Variants in NTNG1 observed in about 807,000 individuals in gnomAD.
The protein encoded by NTNG1 is netrin G1.
NTNG1 carries 16 observed loss-of-function variants against 54.0 expected under a neutral mutation model. That is an observed-to-expected ratio of 0.30 (90% CI 0.20 to 0.45). The LOEUF is 0.45. NTNG1 is among the 20% of genes least tolerant of loss of function. The pLI, the probability that NTNG1 is intolerant of heterozygous loss-of-function variation, is 1.00. For missense variants in NTNG1, 530 were observed against 678.7 expected, an observed-to-expected ratio of 0.78 and a Z score of 2.43; for synonymous variants, 255 against 263.1, an observed-to-expected ratio of 0.97 and a Z score of 0.30.
At chr1:107,407,574 T>A in intron 4 of NTNG1, 108 bp from the exon 5 acceptor site, 1 of 840,098 alleles carries the variant, frequency 1.2e-6, no homozygotes, top group Non-Finnish European at 1.9e-6. Context: ...TTCTTAATAG[T>A]CTGAATATTA....
intron 2 of NTNG1, among the ~76,000 whole-genome samples, chr1:107,212,035 GT>G (rs1271644456): frequency 6.6e-6 from 1 of 152,026 alleles, no homozygotes; most frequent in African/African-American, 2.4e-5. Flanking sequence ...CTTTATAGAT[GT>G]ATTAAAACAT....
rs959034996 is a variant in NTNG1 at position 107,297,342 on chromosome 1, TAAAG to T, written c.247-26936_247-26933del. ...TCTAGCAACAAATAAATTGAAAAGATAAAGAAAAAACAGAGGCAGTGGTGATAGA... is the reference window on the plus strand; with the variant it reads ...TCTAGCAACAAATAAATTGAAAAGATAAAAAACAGAGGCAGTGGTGATAGA... On this transcript the variant is annotated intron_variant, in intron 2 of 7. Coordinates refer to ENST00000370068, the MANE Select transcript of NTNG1 (RefSeq NM_001113226.3). Among the ~76,000 whole-genome samples the T allele has an allele frequency of 2.7e-5, 4 of 150,442 alleles. No homozygotes were observed. In the Admixed American group the frequency reaches 2.7e-4, roughly 10 times the overall value.
At chr1:107,357,889 T>G (rs1670031314) in intron 3 of NTNG1, among the ~76,000 whole-genome samples, 2 of 152,174 alleles carry the variant, frequency 1.3e-5, no homozygotes, top group Non-Finnish European at 2.9e-5. Context: ...GTTAGAATAT[T>G]AAAGTTGCAC....
chr1:107,348,409 A>G (rs1307968727), intron 3 of NTNG1, among the ~76,000 whole-genome samples: 1 of 152,162 alleles, frequency 6.6e-6, no homozygotes, highest in South Asian at 2.1e-4. Context: ...TACAGGCTTG[A>G]GCCACTGTGC....
At chr1:107,226,801 G>T (rs1660720385) in intron 2 of NTNG1, among the ~76,000 whole-genome samples, 2 of 152,096 alleles carry the variant, frequency 1.3e-5, no homozygotes, top group South Asian at 2.1e-4. Flanking sequence ...TTCCTCGCAT[G>T]TTCTGACTTC....
chr1:107,201,808 C>A (rs1658778811), intron 2 of NTNG1, among the ~76,000 whole-genome samples: 1 of 151,894 alleles, frequency 6.6e-6, no homozygotes, highest in African/African-American at 2.4e-5. Flanking sequence ...TAAATAATGC[C>A]TGTTCCCATT....
rs1171897310 is a variant in NTNG1, at chr1:107,287,566, A to T, written c.247-36716A>T. ...AGTTTGAGGCCAGCCTGGGCAATGT[A>T]GTGAGACCTTGGTCTCTATAAAACA... is the stretch of plus-strand genomic sequence containing the variant. On this transcript the variant is annotated intron_variant, in intron 2 of 7. Transcript: ENST00000370068. 7.9e-5 allele frequency among the ~76,000 whole-genome samples: 12 copies of T among 152,322 alleles called. No individual in the cohort carries two copies. In the East Asian group the frequency reaches 1.9e-3, roughly 24 times the overall value.
At chr1:107,165,000 A>C (rs1655673421) in intron 2 of NTNG1, among the ~76,000 whole-genome samples, 2 of 152,124 alleles carry the variant, frequency 1.3e-5, no homozygotes, top group African/African-American at 4.8e-5. Context: ...TAAAGAGAGC[A>C]GGGATACGAG....
intron 7 of NTNG1, among the ~76,000 whole-genome samples, chr1:107,472,069 C>T (rs911905616): frequency 2.6e-5 from 4 of 152,082 alleles, no homozygotes; most frequent in Non-Finnish European, 5.9e-5. Flanking sequence ...AGTGATTTCC[C>T]CAAGTTCACT....
chr1:107,430,096 T>G (rs1184411655), intron 5 of NTNG1, among the ~76,000 whole-genome samples: 1 of 152,160 alleles, frequency 6.6e-6, no homozygotes, highest in African/African-American at 2.4e-5. Context: ...ACAAATTATC[T>G]CCCTGCTTTT....
intron 7 of NTNG1, among the ~76,000 whole-genome samples, chr1:107,473,023 T>C (rs1343179239): frequency 6.6e-6 from 1 of 152,190 alleles, no homozygotes; most frequent in Non-Finnish European, 1.5e-5. Flanking sequence ...GCCTGTTTGG[T>C]GGAGGTTATT....
chr1:107,147,922 C>T (rs1357087244), intron 1 of NTNG1, 147 bp from the exon 2 acceptor site: 1 of 152,126 alleles, frequency 6.6e-6, no homozygotes, highest in Non-Finnish European at 1.5e-5. Context: ...ATGGTTTGCT[C>T]ATTCTAGCAA....
intron 4 of NTNG1, among the ~76,000 whole-genome samples, chr1:107,401,626 T>C (rs1269901430): frequency 6.6e-6 from 1 of 152,022 alleles, no homozygotes; most frequent in Non-Finnish European, 1.5e-5. Context: ...TGCCACCAAG[T>C]TAATTCAGAT....
chr1:107,249,946 T>C (rs1214087675), intron 2 of NTNG1, among the ~76,000 whole-genome samples: 1 of 152,228 alleles, frequency 6.6e-6, no homozygotes, highest in Non-Finnish European at 1.5e-5. Context: ...AGATATTCAT[T>C]TGTAAGTCAA....
intron 3 of NTNG1, among the ~76,000 whole-genome samples, chr1:107,391,449 G>A (rs1027525484): frequency 6.6e-6 from 1 of 152,162 alleles, no homozygotes; most frequent in East Asian, 1.9e-4. Context: ...AGTGATTGTT[G>A]CTAGAACTGT....
chr1:107,237,544 C>G (rs905045701), intron 2 of NTNG1, among the ~76,000 whole-genome samples: 2 of 152,164 alleles, frequency 1.3e-5, no homozygotes, highest in African/African-American at 4.8e-5. Context: ...CAGAGGTCTT[C>G]ATGGCAGTCC....
intron 4 of NTNG1, among the ~76,000 whole-genome samples, chr1:107,401,969 G>A (rs1386489662): frequency 1.3e-5 from 2 of 151,992 alleles, no homozygotes; most frequent in Non-Finnish European, 2.9e-5. Flanking sequence ...TGCCAGCCAC[G>A]TAGTAAGCAG....
At chr1:107,267,644 C>T (rs1364758361) in intron 2 of NTNG1, among the ~76,000 whole-genome samples, 1 of 152,152 alleles carries the variant, frequency 6.6e-6, no homozygotes, top group African/African-American at 2.4e-5. Context: ...CTGTCAGTCC[C>T]CAGGGTGTCC....
chr1:107,480,569 T>TCCCCCCCCCCCCCCCCCC, intron 7 of NTNG1, 42 bp from the exon 8 acceptor site: 1 of 609,596 alleles, frequency 1.6e-6, no homozygotes, highest in African/African-American at 1.8e-5. Context: ...CTGCTTCTCC[T>TCCCCCCCCCCCCCCCCCC]CCCCGCGCCC....
Sources: gnomAD v4.1 joint callset for allele counts (sites outside exome capture counted in the v4.1 genomes callset) on GRCh38, gnomAD v4.1.1 for gene constraint, MANE v1.5 for transcripts, NCBI Gene and HGNC (gene_info 2026-07-23, HGNC 2026-07-21) for gene names.